The following RBMS1 variants were observed in gnomAD, a reference collection of about 807,000 sequenced individuals.
The protein encoded by RBMS1 is RNA binding motif single stranded interacting protein 1, also known as RNA-binding motif, single-stranded-interacting protein 1.
A neutral mutation model predicts 62.3 loss-of-function variants in RBMS1; 17 were observed. The ratio of observed to expected loss-of-function variants is 0.27; its 90% CI spans 0.19 to 0.41. The LOEUF (loss-of-function observed/expected upper bound fraction) is 0.41. Among genes scored for constraint, RBMS1 ranks in the 10% least tolerant of loss-of-function variants. The pLI is 1.00. For synonymous variants in RBMS1, 172 were observed against 170.0 expected, an observed-to-expected ratio of 1.01 and a Z score of -0.09; for missense variants, 334 against 504.5, an observed-to-expected ratio of 0.66 and a Z score of 3.24.
intron 10 of RBMS1, 37 bp downstream of exon 10, chr2:160,281,277 C>T: frequency 6.5e-7 from 1 of 1,537,396 alleles, no homozygotes; most frequent in Non-Finnish European, 8.9e-7. Context: ...ACATAACTTA[C>T]TTGTAAAACA....
intron 6 of RBMS1, among the ~76,000 whole-genome samples, chr2:160,287,581 G>C (rs566407170): frequency 1.3e-5 from 2 of 152,376 alleles, no homozygotes; most frequent in South Asian, 4.1e-4. Flanking sequence ...AACAATTGGT[G>C]AGTATGTTTA....
chr2:160,464,057 T>C (rs1271922212), intron 1 of RBMS1, among the ~76,000 whole-genome samples: 3 of 152,140 alleles, frequency 2.0e-5, no homozygotes, highest in Non-Finnish European at 2.9e-5. Flanking sequence ...TGGAGCAAAG[T>C]GCTCTCCTAT....
chr2:160,457,941 G>C (rs1684308911), intron 1 of RBMS1, among the ~76,000 whole-genome samples: 1 of 126,514 alleles, frequency 7.9e-6, no homozygotes, highest in African/African-American at 2.9e-5. Flanking sequence ...TATTTTTGGG[G>C]TTATTGGTTT....
intron 4 of RBMS1, among the ~76,000 whole-genome samples, chr2:160,312,559 T>C (rs1236416615): frequency 6.6e-6 from 1 of 152,148 alleles, no homozygotes; most frequent in Non-Finnish European, 1.5e-5. Context: ...CAGAAATAAA[T>C]TTTGAATAAA....
intron 1 of RBMS1, among the ~76,000 whole-genome samples, chr2:160,464,293 A>C (rs1016462644): frequency 6.6e-6 from 1 of 152,246 alleles, no homozygotes; most frequent in Non-Finnish European, 1.5e-5. Flanking sequence ...TATAATTAAA[A>C]AACAGAAAAC....
At chr2:160,483,536 T>C (rs1685456944) in intron 1 of RBMS1, among the ~76,000 whole-genome samples, 1 of 152,134 alleles carries the variant, frequency 6.6e-6, no homozygotes, top group Non-Finnish European at 1.5e-5. Flanking sequence ...TCAGGGGCAA[T>C]TGTTAGCAAA....
intron 1 of RBMS1, among the ~76,000 whole-genome samples, chr2:160,439,236 G>C (rs1431091130): frequency 6.6e-6 from 1 of 151,928 alleles, no homozygotes; most frequent in Non-Finnish European, 1.5e-5. Context: ...CTGCCGGACG[G>C]AGACGCTCCT....
intron 4 of RBMS1, among the ~76,000 whole-genome samples, chr2:160,305,167 T>A (rs1410861104): frequency 2.0e-5 from 3 of 152,198 alleles, no homozygotes; most frequent in East Asian, 3.9e-4. Context: ...AGAAATTTTT[T>A]AAAATAAATT....
chr2:160,466,358 T>G (rs558022788), intron 1 of RBMS1, among the ~76,000 whole-genome samples: 9 of 152,096 alleles, frequency 5.9e-5, no homozygotes, highest in Non-Finnish European at 1.3e-4. Flanking sequence ...TAAAATATTG[T>G]TTGCTTTCAA....
Position 160,493,681 on chromosome 2 carries a change from G to A in RBMS1, c.-318C>T, listed in dbSNP as rs1025385939. On this transcript the variant is annotated 5_prime_UTR_variant, in exon 1 of 14. Coordinates refer to ENST00000348849, the MANE Select transcript of RBMS1 (RefSeq NM_016836.4). ...TTTCCTCCCGGAGCCCGACTGCTCC[G>A]GGGCTGCCAAGGGCTGGCGCGCTGG... is the stretch of plus-strand genomic sequence containing the variant. The A allele has an allele frequency of 2.1e-5, 9 of 431,960 alleles. No homozygotes were observed. The highest frequency in any genetic ancestry group is 4.7e-5 in the East Asian group (1 of 21,252). The allele number at this position is 431,960 out of a possible 1,614,324, so 26.8% of individuals were successfully genotyped here. A position where few individuals can be genotyped will look rare whatever the true frequency, so the allele number is the denominator to read the frequency against.
chr2:160,396,842 C>T (rs1341442137), intron 1 of RBMS1, among the ~76,000 whole-genome samples: 1 of 152,136 alleles, frequency 6.6e-6, no homozygotes, highest in African/African-American at 2.4e-5. Context: ...GGATTACAGG[C>T]GTGAGCCACC....
At chr2:160,307,197 G>A (rs1689579825) in intron 4 of RBMS1, among the ~76,000 whole-genome samples, 1 of 152,060 alleles carries the variant, frequency 6.6e-6, no homozygotes, top group Admixed American at 6.5e-5. Flanking sequence ...CAAGAACGGG[G>A]ACTTGGCAGT....
At chr2:160,417,337 A>G (rs1308927785) in intron 1 of RBMS1, among the ~76,000 whole-genome samples, 1 of 152,258 alleles carries the variant, frequency 6.6e-6, no homozygotes, top group Non-Finnish European at 1.5e-5. Context: ...ACTTAAGATC[A>G]TAAAGAGAGA....
At chr2:160,306,987 A>G (rs1689564401) in intron 4 of RBMS1, among the ~76,000 whole-genome samples, 1 of 152,192 alleles carries the variant, frequency 6.6e-6, no homozygotes, top group Non-Finnish European at 1.5e-5. Context: ...CTTTGTCCCT[A>G]GGCATGGAAG....
chr2:160,412,523 C>T (rs115836316), intron 1 of RBMS1, among the ~76,000 whole-genome samples: 2,279 of 152,194 alleles, frequency 0.015, 72 homozygotes, highest in African/African-American at 0.052. Context: ...TCTGTAACGC[C>T]GCATCTCAAA....
At chr2:160,412,478 T>C (rs1574027232) in intron 1 of RBMS1, among the ~76,000 whole-genome samples, 1 of 152,132 alleles carries the variant, frequency 6.6e-6, no homozygotes, top group Non-Finnish European at 1.5e-5. Context: ...CTGGCTAGGG[T>C]TAAAAGATTT....
intron 1 of RBMS1, among the ~76,000 whole-genome samples, chr2:160,399,015 C>T (rs1243066062): frequency 2.0e-5 from 3 of 152,198 alleles, no homozygotes; most frequent in African/African-American, 7.2e-5. Context: ...CTCCTATTGA[C>T]CTCTGTTCTT....
chr2:160,311,232 C>CTATCTATCTATA (rs1381483574), intron 4 of RBMS1, among the ~76,000 whole-genome samples: 42 of 79,252 alleles, frequency 5.3e-4, no homozygotes, highest in South Asian at 9.1e-4. Flanking sequence ...ATCTATCTAT[C>CTATCTATCTATA]TATATATATA....
intron 2 of RBMS1, among the ~76,000 whole-genome samples, chr2:160,351,607 C>T (rs2106006122): frequency 6.6e-6 from 1 of 152,144 alleles, no homozygotes; most frequent in South Asian, 2.1e-4. Flanking sequence ...GTCAATCAAG[C>T]TAAAAGTTGC....
Sources: allele counts gnomAD v4.1 joint callset (sites outside exome capture counted in the v4.1 genomes callset), GRCh38; gene constraint gnomAD v4.1.1; transcripts MANE v1.5; gene names NCBI Gene and HGNC (gene_info 2026-07-23, HGNC 2026-07-21).